Variants in FIGN observed in about 807,000 individuals in gnomAD.
FIGN encodes the protein fidgetin, microtubule severing factor, also known as fidgetin.
FIGN carries 11 observed loss-of-function variants against 51.3 expected under a neutral mutation model. The observed-to-expected ratio is 0.21, with a 90% CI of 0.13 to 0.35. The LOEUF (loss-of-function observed/expected upper bound fraction) is 0.35, where lower values mean the gene tolerates loss of function less well. Ranked by LOEUF, FIGN falls within the 10% of genes least tolerant of loss-of-function variation. The pLI is 1.00. For missense variants in FIGN, 857 were observed against 943.6 expected, an observed-to-expected ratio of 0.91 and a Z score of 1.20; for synonymous variants, 407 against 363.2, an observed-to-expected ratio of 1.12 and a Z score of -1.37.
intron 2 of FIGN, among the ~76,000 whole-genome samples, chr2:163,682,962 TTTC>T (rs1024275774): frequency 1.8e-4 from 28 of 152,230 alleles, no homozygotes; most frequent in Admixed American, 9.8e-4. Flanking sequence ...GTTGTCAAAG[TTTC>T]TTCTTCTTCT....
rs919687804 is a variant in FIGN, at chr2:163,659,171, C to A, written c.26-47365G>T. On this transcript the variant is annotated intron_variant, in intron 2 of 2. Coordinates refer to ENST00000333129, the MANE Select transcript of FIGN (RefSeq NM_018086.4). ...TAAGTTCAGAAGATTTACTTAAAAG[C>A]CCAAGTTAATTTGTGTCTTTGGAAA... is the stretch of plus-strand genomic sequence containing the variant. Among the ~76,000 whole-genome samples the A allele has an allele frequency of 5.3e-5, 8 of 151,690 alleles. No homozygotes were observed. In the East Asian group the frequency reaches 1.5e-3, roughly 29 times the overall value.
At chr2:163,717,627 T>C (rs1011009945) in intron 2 of FIGN, among the ~76,000 whole-genome samples, 8 of 152,108 alleles carry the variant, frequency 5.3e-5, no homozygotes, top group Non-Finnish European at 8.8e-5. Flanking sequence ...GGTGATATCA[T>C]AGTTGTGTTC....
chr2:163,728,856 A>G (rs554545220), intron 2 of FIGN, among the ~76,000 whole-genome samples: 10 of 152,316 alleles, frequency 6.6e-5, no homozygotes, highest in African/African-American at 2.2e-4. Flanking sequence ...AAGATGCCTC[A>G]CATTTTAATT....
intron 2 of FIGN, among the ~76,000 whole-genome samples, chr2:163,676,876 A>T (rs1342161282): frequency 6.6e-6 from 1 of 152,162 alleles, no homozygotes; most frequent in African/African-American, 2.4e-5. Flanking sequence ...ATAGTTTATA[A>T]TACAAAAAAG....
At chr2:163,651,282 G>A (rs1159524329) in intron 2 of FIGN, among the ~76,000 whole-genome samples, 1 of 152,070 alleles carries the variant, frequency 6.6e-6, no homozygotes, top group Non-Finnish European at 1.5e-5. Context: ...CTAACACGGT[G>A]AAACCCCGTC....
chr2:163,613,850 T>C lies in FIGN; in HGVS notation c.26-2044A>G, dbSNP rs563848195. On this transcript the variant is annotated intron_variant, in intron 2 of 2. Transcript: ENST00000333129. ...GATTTTTAAAAAGGATCCATGTAGA[T>C]ATTCATTTGCAAATCACAACTCAGT... Among the ~76,000 whole-genome samples, 11 of 152,310 alleles carry C rather than the reference T, an allele frequency of 7.2e-5. 1 individual carries two copies. The highest frequency in any genetic ancestry group is 6.8e-3 in the Middle Eastern group (2 of 294).
At chr2:163,676,459 A>C (rs10178192) in intron 2 of FIGN, among the ~76,000 whole-genome samples, 1 of 96,588 alleles carries the variant, frequency 1.0e-5, no homozygotes, top group Admixed American at 1.1e-4. Context: ...ATATATATAT[A>C]TATATATATA....
chr2:163,696,410 T>C (rs906972884), intron 2 of FIGN, among the ~76,000 whole-genome samples: 2 of 152,152 alleles, frequency 1.3e-5, no homozygotes, highest in Non-Finnish European at 2.9e-5. Context: ...CTACCTGTTT[T>C]CCCACCTCAC....
intron 2 of FIGN, among the ~76,000 whole-genome samples, chr2:163,697,338 T>C (rs915542690): frequency 6.6e-6 from 1 of 151,842 alleles, no homozygotes; most frequent in East Asian, 1.9e-4. Context: ...TGGCCTCAAG[T>C]GATTCCTCCG....
At chr2:163,634,206 ATACT>A (rs1573916940) in intron 2 of FIGN, among the ~76,000 whole-genome samples, 1 of 152,104 alleles carries the variant, frequency 6.6e-6, no homozygotes, top group African/African-American at 2.4e-5. Context: ...AATATGGAAA[ATACT>A]TAAACATAAA....
chr2:163,709,147 T>C (rs1251214310), intron 2 of FIGN, among the ~76,000 whole-genome samples: 1 of 152,104 alleles, frequency 6.6e-6, no homozygotes, highest in African/African-American at 2.4e-5. Context: ...ACTTTGACCT[T>C]GGCAAACACA....
intron 2 of FIGN, among the ~76,000 whole-genome samples, chr2:163,635,154 C>G (rs2105313123): frequency 6.6e-6 from 1 of 152,160 alleles, no homozygotes; most frequent in East Asian, 1.9e-4. Context: ...ATTGATGTAG[C>G]CCTCACAAAA....
intron 2 of FIGN, among the ~76,000 whole-genome samples, chr2:163,616,758 G>A (rs949327001): frequency 3.3e-5 from 5 of 151,898 alleles, no homozygotes; most frequent in Non-Finnish European, 7.4e-5. Context: ...ATCACTACTG[G>A]GGTAAATACT....
chr2:163,653,419 G>A (rs1019300779), intron 2 of FIGN, among the ~76,000 whole-genome samples: 2 of 151,786 alleles, frequency 1.3e-5, no homozygotes, highest in Admixed American at 1.3e-4. Flanking sequence ...TTAAAAATGG[G>A]GAAATTTTTG....
At position 163,604,190 on chromosome 2, in the gene FIGN, T is replaced by G. The variant is rs1691035327; in HGVS notation, c.*5362A>C. On this transcript the variant is annotated 3_prime_UTR_variant, in exon 3 of 3. Transcript: ENST00000333129. ...TTGAAAATAGTTAAGTACCATTATT[T>G]CTCTTAAATTTAGGAGCTGAGGGTG... 6.6e-6 allele frequency: 1 copy of G among 152,130 alleles called. No individual in the cohort carries two copies. The highest frequency in any genetic ancestry group is 2.4e-5 in the African/African-American group (1 of 41,464). The allele number at this position is 152,130 out of a possible 1,614,324, so 9.4% of individuals were successfully genotyped here.
intron 2 of FIGN, among the ~76,000 whole-genome samples, chr2:163,639,037 T>C (rs1683267957): frequency 6.6e-6 from 1 of 152,182 alleles, no homozygotes; most frequent in Non-Finnish European, 1.5e-5. Flanking sequence ...TCACTTAAAA[T>C]TTATGTTGTT....
intron 2 of FIGN, among the ~76,000 whole-genome samples, chr2:163,635,924 A>G (rs1344201877): frequency 6.6e-6 from 1 of 152,254 alleles, no homozygotes; most frequent in African/African-American, 2.4e-5. Flanking sequence ...ATTAAAAAAA[A>G]GATAGATATG....
intron 2 of FIGN, among the ~76,000 whole-genome samples, chr2:163,720,070 C>T (rs930831577): frequency 1.3e-5 from 2 of 152,016 alleles, no homozygotes; most frequent in Non-Finnish European, 2.9e-5. Context: ...GAAAATTAAG[C>T]TGTAAATATC....
At chr2:163,652,457 C>G (rs1344474782) in intron 2 of FIGN, among the ~76,000 whole-genome samples, 1 of 132,662 alleles carries the variant, frequency 7.5e-6, no homozygotes, top group Admixed American at 8.4e-5. Context: ...TAGGATTTTT[C>G]TACATAGTTT....
Sources: allele counts gnomAD v4.1 joint callset (sites outside exome capture counted in the v4.1 genomes callset), GRCh38; gene constraint gnomAD v4.1.1; transcripts MANE v1.5; gene names NCBI Gene and HGNC (gene_info 2026-07-23, HGNC 2026-07-21).